The following RARB variants were observed in gnomAD, a reference collection of about 807,000 sequenced individuals.
The protein encoded by RARB is HBV-activated protein.
Under a neutral mutation model 51.9 loss-of-function variants are expected in RARB, and 17 were observed. The observed-to-expected ratio is 0.33, with a 90% confidence interval of 0.22 to 0.49. The LOEUF (loss-of-function observed/expected upper bound fraction) is 0.49. RARB is among the 20% of genes least tolerant of loss of function. The pLI is 0.99. For missense variants in RARB, 369 were observed against 550.8 expected, an observed-to-expected ratio of 0.67 and a Z score of 3.30; for synonymous variants, 215 against 195.4, an observed-to-expected ratio of 1.10 and a Z score of -0.84.
chr3:25,532,942 A>C (rs1698989224), intron 3 of RARB, among the ~76,000 whole-genome samples: 1 of 152,196 alleles, frequency 6.6e-6, no homozygotes, highest in South Asian at 2.1e-4. Flanking sequence ...CTATGCTTGC[A>C]ATTCAGCATG....
At chr3:25,367,081 T>G (rs1215215503) in intron 5 of RARB, among the ~76,000 whole-genome samples, 1 of 152,176 alleles carries the variant, frequency 6.6e-6, no homozygotes, top group Non-Finnish European at 1.5e-5. Flanking sequence ...TTCTTTCTTG[T>G]CAATCTAAAC....
At chr3:25,020,380 A>G (rs536336957) in intron 2 of RARB, 2 of 152,158 alleles carry the variant, frequency 1.3e-5, no homozygotes, top group African/African-American at 4.8e-5. Context: ...AGTGCACTAC[A>G]GCCCAGGGCT....
chr3:25,435,932 C>CA (rs567695874), intron 1 of RARB, among the ~76,000 whole-genome samples: 12 of 151,896 alleles, frequency 7.9e-5, no homozygotes, highest in Admixed American at 3.9e-4. Flanking sequence ...CATTTTATTA[C>CA]AAAAAAAATC....
In RARB at chr3:25,219,275, A is replaced by T. The variant is rs374055089; in HGVS notation, c.178+44700A>T. Among the ~76,000 whole-genome samples the T allele has an allele frequency of 3.2e-3, 479 of 151,912 alleles. 6 individuals are homozygous for T. Among genetic ancestry groups the T allele is most frequent in the African/African-American group, 0.011 (451 of 41,494 alleles). ...GAATTACCTCTAGGTTAAAAAAAAA[A>T]ATATGTATCCATACACCATCTTATA... On this transcript the variant is annotated intron_variant, in intron 5 of 11. Transcript: ENST00000383772.
chr3:25,545,783 A>G (rs1699593975), intron 3 of RARB, among the ~76,000 whole-genome samples: 1 of 152,180 alleles, frequency 6.6e-6, no homozygotes, highest in Non-Finnish European at 1.5e-5. Context: ...TGAAAGGCTG[A>G]GGATGTACCA....
At chr3:25,348,655 T>G (rs1288928850) in intron 5 of RARB, among the ~76,000 whole-genome samples, 1 of 152,204 alleles carries the variant, frequency 6.6e-6, no homozygotes, top group Admixed American at 6.6e-5. Context: ...ACAGAGCAGA[T>G]AAGAACACAA....
chr3:24,849,998 G>T (rs983292807), intron 1 of RARB, among the ~76,000 whole-genome samples: 1 of 152,112 alleles, frequency 6.6e-6, no homozygotes, highest in Non-Finnish European at 1.5e-5. Context: ...GACATTTCTC[G>T]CAGTTCTGAA....
At chr3:24,972,794 T>G (rs908146716) in intron 2 of RARB, among the ~76,000 whole-genome samples, 5 of 152,100 alleles carry the variant, frequency 3.3e-5, no homozygotes, top group Admixed American at 1.3e-4. Context: ...AGTCTTCTTT[T>G]GACAGATGTC....
intron 2 of RARB, among the ~76,000 whole-genome samples, chr3:25,000,881 G>A (rs78710867): frequency 0.027 from 4,177 of 152,226 alleles, 142 homozygotes; most frequent in East Asian, 0.12. Flanking sequence ...CACTCATGAA[G>A]ATCAAATTGT....
At chr3:25,192,371 T>C (rs1179666707) in intron 5 of RARB, among the ~76,000 whole-genome samples, 2 of 152,106 alleles carry the variant, frequency 1.3e-5, no homozygotes, top group African/African-American at 4.8e-5. Flanking sequence ...GTACTAGCTA[T>C]GTAAATATCC....
chr3:25,066,468 A>G (rs924196663), intron 3 of RARB, among the ~76,000 whole-genome samples: 1 of 152,218 alleles, frequency 6.6e-6, no homozygotes, highest in South Asian at 2.1e-4. Flanking sequence ...AAAGTCACTT[A>G]GGAATAAAGG....
intron 5 of RARB, among the ~76,000 whole-genome samples, chr3:25,391,198 C>T (rs1444181018): frequency 6.6e-6 from 1 of 152,118 alleles, no homozygotes; most frequent in Non-Finnish European, 1.5e-5. Flanking sequence ...TCTCAAACTC[C>T]ATCCAGGTTT....
At chr3:25,268,116 A>T (rs1703167801) in intron 5 of RARB, among the ~76,000 whole-genome samples, 3 of 152,220 alleles carry the variant, frequency 2.0e-5, no homozygotes, top group South Asian at 4.1e-4. Flanking sequence ...TTGAGGTCAC[A>T]GTCTAACATG....
At chr3:25,148,547 A>G (rs1310334563) in intron 4 of RARB, among the ~76,000 whole-genome samples, 1 of 152,198 alleles carries the variant, frequency 6.6e-6, no homozygotes, top group African/African-American at 2.4e-5. Flanking sequence ...ATTTACTGAC[A>G]TAATCACTAA....
chr3:25,251,428 C>G (rs1462245337), intron 5 of RARB, among the ~76,000 whole-genome samples: 2 of 151,998 alleles, frequency 1.3e-5, no homozygotes, highest in Admixed American at 6.6e-5. Flanking sequence ...GTATGTTTAA[C>G]TTTTTAAGGT....
At chr3:24,959,495 T>C (rs1203434766) in intron 2 of RARB, among the ~76,000 whole-genome samples, 1 of 152,180 alleles carries the variant, frequency 6.6e-6, no homozygotes, top group Non-Finnish European at 1.5e-5. Flanking sequence ...CAGGGTTTTT[T>C]ATCGATATAG....
chr3:25,590,572 G>A (rs1429238900), intron 5 of RARB, among the ~76,000 whole-genome samples: 1 of 152,164 alleles, frequency 6.6e-6, no homozygotes, highest in Non-Finnish European at 1.5e-5. Context: ...CCAGGCTGAA[G>A]TGCAGTGGCG....
chr3:24,865,333 T>C (rs1702826453), intron 2 of RARB, among the ~76,000 whole-genome samples: 1 of 152,156 alleles, frequency 6.6e-6, no homozygotes. Context: ...AATATACATG[T>C]AAATGGATGC....
At chr3:25,448,076 T>G (rs1045999943) in intron 1 of RARB, among the ~76,000 whole-genome samples, 15 of 151,886 alleles carry the variant, frequency 9.9e-5, no homozygotes, top group African/African-American at 3.4e-4. Context: ...CAAGCAGAAA[T>G]TGAGGCTCAG....
Sources: gnomAD v4.1 joint callset for allele counts (sites outside exome capture counted in the v4.1 genomes callset) on GRCh38, gnomAD v4.1.1 for gene constraint, MANE v1.5 for transcripts, NCBI Gene and HGNC (gene_info 2026-07-23, HGNC 2026-07-21) for gene names.